Variants in LINGO2 observed in about 807,000 individuals in gnomAD.
The protein encoded by LINGO2 is leucine-rich repeat and immunoglobulin-like domain-containing nogo receptor-interacting protein 2.
Under a neutral mutation model 30.6 loss-of-function variants are expected in LINGO2, and 14 were observed. The ratio of observed to expected loss-of-function variants is 0.46; its 90% CI spans 0.30 to 0.72. LINGO2 has a LOEUF of 0.72. LINGO2 is among the 30% of genes least tolerant of loss of function. LINGO2 has a pLI of 0.07. For synonymous variants in LINGO2, 317 were observed against 288.5 expected (o/e 1.10, Z -1.00); for missense variants, 729 against 751.7 (o/e 0.97, Z 0.35).
chr9:28,117,908 A>C (rs1174308787), intron 4 of LINGO2, among the ~76,000 whole-genome samples: 1 of 152,256 alleles, frequency 6.6e-6, no homozygotes, highest in Non-Finnish European at 1.5e-5. Flanking sequence ...TAATAGCACA[A>C]GACATGGGGG....
At chr9:28,222,441 A>G (rs1000575664) in intron 4 of LINGO2, among the ~76,000 whole-genome samples, 1 of 152,108 alleles carries the variant, frequency 6.6e-6, no homozygotes, top group Admixed American at 6.5e-5. Context: ...TTTTACTACA[A>G]AAAACCCATT....
Position 28,608,529 on chromosome 9 carries a change from T to G in LINGO2, c.-365+61671A>C, listed in dbSNP as rs181595848. ...TATTATGTGCATAAATAGCAGAAGGTTCTGCTTTTTAAAACAGAAAAATGG... is the reference window on the plus strand; with the variant it reads ...TATTATGTGCATAAATAGCAGAAGGGTCTGCTTTTTAAAACAGAAAAATGG... On this transcript the variant is annotated intron_variant, in intron 1 of 5. Coordinates refer to ENST00000379992, the Ensembl canonical transcript of LINGO2. 1.8e-4 allele frequency among the ~76,000 whole-genome samples: 27 copies of G among 152,096 alleles called. No homozygotes were observed. In the East Asian group the frequency reaches 4.8e-3, roughly 27 times the overall value.
the LINGO2 span, among the ~76,000 whole-genome samples, chr9:29,141,307 A>T: frequency 3.9e-5 from 6 of 152,028 alleles, no homozygotes; most frequent in African/African-American, 1.4e-4. Flanking sequence ...ACAAAAGAGA[A>T]GTGATTGTAT....
the LINGO2 span, among the ~76,000 whole-genome samples, chr9:28,777,464 C>T: frequency 1.9e-4 from 29 of 151,984 alleles, no homozygotes; most frequent in African/African-American, 5.8e-4. Context: ...GCTCAAGTGA[C>T]GATAAAAGAG....
chr9:28,029,627 T>G (rs1164227466), intron 4 of LINGO2, among the ~76,000 whole-genome samples: 2 of 152,154 alleles, frequency 1.3e-5, no homozygotes, highest in Non-Finnish European at 2.9e-5. Context: ...AAAAGTGACC[T>G]GAAATCAGCA....
the LINGO2 span, among the ~76,000 whole-genome samples, chr9:29,075,009 T>C: frequency 2.6e-5 from 4 of 152,084 alleles, no homozygotes; most frequent in African/African-American, 7.2e-5. Context: ...TTCATTATCA[T>C]ATTCATAAAT....
chr9:28,940,618 G>A, the LINGO2 span, among the ~76,000 whole-genome samples: 1 of 151,940 alleles, frequency 6.6e-6, no homozygotes, highest in African/African-American at 2.4e-5. Context: ...AGACTACAGT[G>A]GCTAATAAAA....
At chr9:29,070,845 T>C in the LINGO2 span, among the ~76,000 whole-genome samples, 1 of 151,300 alleles carries the variant, frequency 6.6e-6, no homozygotes, top group Non-Finnish European at 1.5e-5. Flanking sequence ...GAATTTTTAT[T>C]ATTTATGATT....
chr9:28,944,171 C>T, the LINGO2 span, among the ~76,000 whole-genome samples: 1 of 152,298 alleles, frequency 6.6e-6, no homozygotes, highest in East Asian at 1.9e-4. Context: ...CAAGCTGGCT[C>T]ACCACGACAT....
At chr9:28,755,729 G>T in the LINGO2 span, among the ~76,000 whole-genome samples, 3 of 152,000 alleles carry the variant, frequency 2.0e-5, no homozygotes, top group African/African-American at 2.4e-5. Context: ...TCTACAGATC[G>T]TTTTCAACAG....
At chr9:29,110,274 G>T in the LINGO2 span, among the ~76,000 whole-genome samples, 1 of 152,156 alleles carries the variant, frequency 6.6e-6, no homozygotes, top group Non-Finnish European at 1.5e-5. Context: ...GAAATGTCAG[G>T]TTTAATCTCC....
the LINGO2 span, among the ~76,000 whole-genome samples, chr9:29,161,008 G>T: frequency 3.3e-5 from 5 of 152,142 alleles, no homozygotes; most frequent in Non-Finnish European, 7.3e-5. Context: ...CCCAAAGAAA[G>T]AGAGAGAACC....
the LINGO2 span, among the ~76,000 whole-genome samples, chr9:28,961,865 G>C: frequency 6.6e-6 from 1 of 152,122 alleles, no homozygotes; most frequent in Non-Finnish European, 1.5e-5. Context: ...AGTCTGTTTT[G>C]TTCTATAAAC....
chr9:28,377,549 G>T (rs1165543834), intron 2 of LINGO2, among the ~76,000 whole-genome samples: 3 of 152,066 alleles, frequency 2.0e-5, no homozygotes, highest in African/African-American at 2.4e-5. Context: ...ACTGTGTGTG[G>T]GGGGGTTAGT....
intron 4 of LINGO2, among the ~76,000 whole-genome samples, chr9:28,104,482 C>A (rs377585427): frequency 6.6e-6 from 1 of 151,586 alleles, no homozygotes; most frequent in African/African-American, 2.4e-5. Flanking sequence ...TTGTATGAGG[C>A]GCAAACCTAA....
At chr9:28,885,303 G>A in the LINGO2 span, among the ~76,000 whole-genome samples, 1 of 148,016 alleles carries the variant, frequency 6.8e-6, no homozygotes, top group African/African-American at 2.5e-5. Context: ...AGAGAGGCCT[G>A]GCCAGCAAAT....
chr9:28,284,400 C>T lies in LINGO2; in HGVS notation c.-87+10808G>A, dbSNP rs147502822. Among the ~76,000 whole-genome samples, 178 of 152,270 alleles carry T rather than the reference C, an allele frequency of 1.2e-3. No homozygotes were observed. In the Middle Eastern group the frequency reaches 0.017, roughly 15 times the overall value. ...AACCCAAAACCAATAGTTTACAAAG[C>T]ATTAGCTAGAAACTCTTGGGATTGT... On this transcript the variant is annotated intron_variant, in intron 4 of 5. Transcript: ENST00000379992.
At chr9:28,934,366 A>C in the LINGO2 span, among the ~76,000 whole-genome samples, 1,315 of 152,264 alleles carry the variant, frequency 8.6e-3, 28 homozygotes, top group African/African-American at 0.03. Context: ...GAAAATGACT[A>C]ATGTGAGTGA....
At chr9:28,823,529 T>C in the LINGO2 span, among the ~76,000 whole-genome samples, 51 of 152,276 alleles carry the variant, frequency 3.3e-4, no homozygotes, top group Middle Eastern at 6.8e-3. Context: ...CACAAGAGTA[T>C]GGCAGAAGTG....
Sources: allele counts gnomAD v4.1 joint callset (sites outside exome capture counted in the v4.1 genomes callset), GRCh38; gene constraint gnomAD v4.1.1; transcripts MANE v1.5; gene names NCBI Gene and HGNC (gene_info 2026-07-23, HGNC 2026-07-21).